KPNA4: variants seen among roughly 807,000 people sequenced by gnomAD.
KPNA4 encodes the protein importin subunit alpha-3.
KPNA4 carries 13 observed loss-of-function variants against 71.3 expected under a neutral mutation model. The ratio of observed to expected loss-of-function variants is 0.18; its 90% CI spans 0.12 to 0.29. The LOEUF (loss-of-function observed/expected upper bound fraction) is 0.29. KPNA4 is among the 10% of genes least tolerant of loss of function. KPNA4 has a pLI of 1.00. For synonymous variants in KPNA4, 189 were observed against 195.2 expected (o/e 0.97, Z 0.26); for missense variants, 334 against 603.2 (o/e 0.55, Z 4.67).
chr3:160,562,055 T>C (rs59019790), intron 1 of KPNA4, among the ~76,000 whole-genome samples: 1 of 152,154 alleles, frequency 6.6e-6, no homozygotes, highest in Admixed American at 6.5e-5. Context: ...GACTCTGTAT[T>C]CTTCATCATT....
At chr3:160,536,041 A>AAAAAATT (rs1307919836) in intron 2 of KPNA4, 144 bp from the exon 3 acceptor site, 2 of 658,104 alleles carry the variant, frequency 3.0e-6, no homozygotes. Context: ...ATTCAAATGT[A>AAAAAATT]AAAAATTAAA....
At chr3:160,546,564 T>C (rs997968308) in intron 1 of KPNA4, among the ~76,000 whole-genome samples, 5 of 152,166 alleles carry the variant, frequency 3.3e-5, no homozygotes, top group African/African-American at 1.2e-4. Flanking sequence ...GTGAAAATAT[T>C]ATTTTTTAAG....
chr3:160,559,425 T>C (rs1348716897), intron 1 of KPNA4, among the ~76,000 whole-genome samples: 4 of 152,196 alleles, frequency 2.6e-5, no homozygotes, highest in East Asian at 1.9e-4. Flanking sequence ...GAATAAAATA[T>C]GTTAGCATTT....
At chr3:160,546,320 C>A (rs1721906354) in intron 1 of KPNA4, among the ~76,000 whole-genome samples, 1 of 152,156 alleles carries the variant, frequency 6.6e-6, no homozygotes, top group African/African-American at 2.4e-5. Context: ...GAGTTCAAGA[C>A]CAGCCTGGGC....
rs1426228188 is a variant in KPNA4, at chr3:160,526,007, A to G, written c.657T>C (p.Asn219=). The G allele has an allele frequency of 3.1e-6, 5 of 1,603,060 alleles. No individual in the cohort carries two copies. The East Asian group carries it at 1.1e-4, about 36-fold the overall frequency. ...ATAAGTTGACCATAACCCAAGTAAC[A>G]TTTCTTAAGAATGTTATAGGAATAG... ...SPSIPITFLR[N]VTWVMVNLCR... is the part of the protein sequence containing the mutation. Residue 219 remains asparagine, a synonymous_variant, in exon 9 of 17, where the codon AAT becomes AAC. Coordinates refer to ENST00000334256, the MANE Select transcript of KPNA4 (RefSeq NM_002268.5).
At chr3:160,551,329 CT>C (rs1162014885) in intron 1 of KPNA4, among the ~76,000 whole-genome samples, 1 of 152,106 alleles carries the variant, frequency 6.6e-6, no homozygotes, top group Non-Finnish European at 1.5e-5. Flanking sequence ...AAAACACTGT[CT>C]TACAGAAGAA....
At chr3:160,558,363 T>C (rs905672425) in intron 1 of KPNA4, among the ~76,000 whole-genome samples, 2 of 152,350 alleles carry the variant, frequency 1.3e-5, no homozygotes, top group African/African-American at 2.4e-5. Context: ...ATATGGAACA[T>C]AGGGGTTTAC....
intron 5 of KPNA4, among the ~76,000 whole-genome samples, chr3:160,533,710 C>T (rs998792142): frequency 1.3e-5 from 2 of 152,100 alleles, no homozygotes; most frequent in Non-Finnish European, 2.9e-5. Context: ...TTTGCAATAC[C>T]AGTGTAAACA....
At position 160,565,451 on chromosome 3, in the gene KPNA4, C is replaced by G; in HGVS notation, c.-169G>C. ...CTCCGCCGCGGCCTTCTCCTCTCCCCGCCCGCCCCCCCGCCCTAACCCCAG... is the reference window on the plus strand; with the variant it reads ...CTCCGCCGCGGCCTTCTCCTCTCCCGGCCCGCCCCCCCGCCCTAACCCCAG... On this transcript the variant is annotated 5_prime_UTR_variant, in exon 1 of 17. Transcript: ENST00000334256. 1.7e-6 allele frequency: 1 copy of G among 593,624 alleles called. No homozygotes were observed. Among genetic ancestry groups the G allele is most frequent in the East Asian group, 3.0e-5 (1 of 32,938 alleles). The allele number at this position is 593,624 out of a possible 1,614,324, so 36.8% of individuals were successfully genotyped here.
intron 1 of KPNA4, among the ~76,000 whole-genome samples, chr3:160,541,680 C>CAT (rs1721801788): frequency 6.6e-6 from 1 of 151,600 alleles, no homozygotes; most frequent in Non-Finnish European, 1.5e-5. Flanking sequence ...CACACACACA[C>CAT]ACGCCTTCCC....
At chr3:160,508,884 T>A (rs1267815545) in intron 14 of KPNA4, among the ~76,000 whole-genome samples, 1 of 152,194 alleles carries the variant, frequency 6.6e-6, no homozygotes. Flanking sequence ...CACATGTGCC[T>A]GGCTACCTCT....
chr3:160,542,188 T>C (rs1174870386), intron 1 of KPNA4, among the ~76,000 whole-genome samples: 2 of 152,114 alleles, frequency 1.3e-5, no homozygotes, highest in Non-Finnish European at 2.9e-5. Context: ...TCACATAACA[T>C]AAAGCTAAGC....
chr3:160,544,632 GA>G (rs2108557063), intron 1 of KPNA4, among the ~76,000 whole-genome samples: 1 of 152,222 alleles, frequency 6.6e-6, no homozygotes, highest in South Asian at 2.1e-4. Flanking sequence ...GTGACTTGAA[GA>G]AAACTCAACT....
At chr3:160,518,085 T>C (rs945591600) in intron 11 of KPNA4, among the ~76,000 whole-genome samples, 1 of 152,102 alleles carries the variant, frequency 6.6e-6, no homozygotes, top group Admixed American at 6.5e-5. Context: ...TTCTAAGAGG[T>C]TTAAATTTAT....
At chr3:160,513,400 C>T (rs1250611469) in intron 13 of KPNA4, among the ~76,000 whole-genome samples, 4 of 151,678 alleles carry the variant, frequency 2.6e-5, no homozygotes, top group African/African-American at 4.8e-5. Flanking sequence ...GAACCACAGG[C>T]GCATGCTACC....
At chr3:160,530,651 T>A (rs1721555538) in intron 7 of KPNA4, among the ~76,000 whole-genome samples, 1 of 152,202 alleles carries the variant, frequency 6.6e-6, no homozygotes, top group Admixed American at 6.5e-5. Context: ...TAGAAAGGAA[T>A]CAAGTGAATT....
chr3:160,556,651 A>T (rs1369528236), intron 1 of KPNA4, among the ~76,000 whole-genome samples: 1 of 152,130 alleles, frequency 6.6e-6, no homozygotes, highest in Non-Finnish European at 1.5e-5. Flanking sequence ...TGCTCCAATG[A>T]GTGTTTCCTT....
At chr3:160,530,419 C>CA (rs1264640028) in intron 7 of KPNA4, among the ~76,000 whole-genome samples, 1 of 152,086 alleles carries the variant, frequency 6.6e-6, no homozygotes, top group Non-Finnish European at 1.5e-5. Flanking sequence ...GCCGAGGCTA[C>CA]AGTGAGCTGA....
rs56941217 is a variant in KPNA4 at position 160,551,939 on chromosome 3, T to TGG, written c.69+13273_69+13274dup. On this transcript the variant is annotated intron_variant, in intron 1 of 16. Coordinates refer to ENST00000334256, the MANE Select transcript of KPNA4 (RefSeq NM_002268.5). The stretch of plus-strand genomic sequence containing the variant: ...GAAGACTGTTCTTGGTTGTCACAAC[T>TGG]GGGGGGGGGGGGGTGATGTGCTACT... 6.5e-3 allele frequency among the ~76,000 whole-genome samples: 402 copies of TGG among 62,104 alleles called. 13 individuals are homozygous for TGG. The highest frequency in any genetic ancestry group is 0.011 in the Non-Finnish European group (275 of 24,810). 40.7% of individuals were successfully genotyped at this position (62,104 alleles called of 152,430 possible). A position where few individuals can be genotyped will look rare whatever the true frequency, so the allele number is the denominator to read the frequency against.
Sources: allele counts gnomAD v4.1 joint callset (sites outside exome capture counted in the v4.1 genomes callset), GRCh38; gene constraint gnomAD v4.1.1; transcripts MANE v1.5; gene names NCBI Gene and HGNC (gene_info 2026-07-23, HGNC 2026-07-21).